Variants in INPP4B observed in about 807,000 individuals in gnomAD.
The protein encoded by INPP4B is inositol polyphosphate 4-phosphatase type II.
In INPP4B, 55 loss-of-function variants were observed where a neutral mutation model predicts 122.5. That is an observed-to-expected ratio of 0.45 (90% CI 0.36 to 0.56). The LOEUF is 0.56. INPP4B is among the 20% of genes least tolerant of loss of function. INPP4B has a pLI of 0.00. For synonymous variants in INPP4B, 403 were observed against 388.7 expected (o/e 1.04, Z -0.43); for missense variants, 1,000 against 1,097.7 (o/e 0.91, Z 1.26).
intron 7 of INPP4B, among the ~76,000 whole-genome samples, chr4:142,316,430 T>C (rs1767698482): frequency 1.3e-5 from 2 of 152,232 alleles, no homozygotes. Context: ...GCATGGATTA[T>C]ACATAGTATG....
chr4:142,431,463 T>A, intron 3 of INPP4B, 78 bp from the exon 4 acceptor site: 1 of 555,544 alleles, frequency 1.8e-6, no homozygotes, highest in Non-Finnish European at 3.2e-6. Flanking sequence ...AAGTAGAGAC[T>A]GCAACTACAT....
chr4:142,529,078 T>G (rs1023559164), intron 2 of INPP4B, among the ~76,000 whole-genome samples: 1 of 152,138 alleles, frequency 6.6e-6, no homozygotes, highest in African/African-American at 2.4e-5. Context: ...AAATGAAATG[T>G]GTTGGCATTT....
At chr4:142,242,665 A>AC (rs113387967) in intron 11 of INPP4B, among the ~76,000 whole-genome samples, 3 of 151,750 alleles carry the variant, frequency 2.0e-5, no homozygotes, top group African/African-American at 7.2e-5. Flanking sequence ...AATCACAGGA[A>AC]CCCCCCACTT....
At chr4:142,160,972 C>T (rs747001632) in intron 16 of INPP4B, among the ~76,000 whole-genome samples, 8 of 151,866 alleles carry the variant, frequency 5.3e-5, no homozygotes, top group African/African-American at 1.2e-4. Context: ...TTATTAAAAC[C>T]GCAATTACTT....
At chr4:142,195,078 A>G (rs3113521) in intron 14 of INPP4B, among the ~76,000 whole-genome samples, 105,747 of 152,150 alleles carry the variant, frequency 0.7, 39,446 homozygotes, top group Non-Finnish European at 0.83. Flanking sequence ...CAGCAATACC[A>G]ACAATATACA....
Position 142,796,822 on chromosome 4 carries a change from G to A in INPP4B, c.-254+49387C>T, listed in dbSNP as rs10033676. On this transcript the variant is annotated intron_variant, in intron 1 of 25. Coordinates refer to ENST00000262992, the MANE Select transcript of INPP4B (RefSeq NM_001101669.3). The stretch of plus-strand genomic sequence containing the variant: ...TACAAGACCTATCCACATCCAGAGA[G>A]TTTCCAAAAGGCTCCTCTATTCACA... 9.2e-3 allele frequency among the ~76,000 whole-genome samples: 1,396 copies of A among 151,470 alleles called. 26 individuals are homozygous for A. Among genetic ancestry groups the A allele is most frequent in the African/African-American group, 0.033 (1,342 of 41,220 alleles).
At chr4:142,710,148 T>C (rs2150791413) in intron 2 of INPP4B, among the ~76,000 whole-genome samples, 1 of 152,324 alleles carries the variant, frequency 6.6e-6, no homozygotes, top group Admixed American at 6.5e-5. Context: ...AGAGGCAGAA[T>C]AAAATCAAAG....
intron 7 of INPP4B, among the ~76,000 whole-genome samples, chr4:142,340,415 TAAAA>T (rs1579788250): frequency 6.6e-6 from 1 of 152,088 alleles, no homozygotes; most frequent in East Asian, 1.9e-4. Flanking sequence ...TTTTTCTCTT[TAAAA>T]TTTTTAGAGA....
At chr4:142,336,660 C>G (rs1776717419) in intron 7 of INPP4B, among the ~76,000 whole-genome samples, 1 of 152,244 alleles carries the variant, frequency 6.6e-6, no homozygotes, top group Non-Finnish European at 1.5e-5. Context: ...CCCTCCTCGT[C>G]CAGATGCTGG....
chr4:142,096,677 CA>C (rs1259763658), intron 23 of INPP4B, among the ~76,000 whole-genome samples: 3 of 151,920 alleles, frequency 2.0e-5, no homozygotes, highest in African/African-American at 4.8e-5. Context: ...TTAAAAACTT[CA>C]AAAGATTAGT....
chr4:142,183,787 A>C (rs1561409422), intron 15 of INPP4B, among the ~76,000 whole-genome samples: 1 of 152,236 alleles, frequency 6.6e-6, no homozygotes, highest in Admixed American at 6.5e-5. Flanking sequence ...ACAGAAAATA[A>C]ATCCTCAAAT....
At chr4:142,326,200 G>A (rs1037251757) in intron 7 of INPP4B, among the ~76,000 whole-genome samples, 10 of 152,146 alleles carry the variant, frequency 6.6e-5, no homozygotes, top group African/African-American at 1.4e-4. Flanking sequence ...TATGTGTTAC[G>A]AGCCAAGTCC....
intron 11 of INPP4B, among the ~76,000 whole-genome samples, chr4:142,245,381 T>A (rs1457287158): frequency 1.3e-5 from 2 of 152,234 alleles, no homozygotes; most frequent in Non-Finnish European, 2.9e-5. Flanking sequence ...CATCTTGAGT[T>A]AACTTTTTGA....
At chr4:142,439,626 T>C (rs2149430659) in intron 3 of INPP4B, among the ~76,000 whole-genome samples, 1 of 152,258 alleles carries the variant, frequency 6.6e-6, no homozygotes, top group Middle Eastern at 3.4e-3. Flanking sequence ...AGTCAAGAGT[T>C]TAATCAATTT....
At chr4:142,494,641 A>G (rs1283077368) in intron 2 of INPP4B, among the ~76,000 whole-genome samples, 1 of 152,134 alleles carries the variant, frequency 6.6e-6, no homozygotes, top group African/African-American at 2.4e-5. Context: ...AACTTTAAAG[A>G]TATGGTTCTA....
intron 1 of INPP4B, among the ~76,000 whole-genome samples, chr4:142,778,341 T>G (rs1774255622): frequency 6.6e-6 from 1 of 152,152 alleles, no homozygotes; most frequent in Admixed American, 6.6e-5. Context: ...TATAGGAATT[T>G]TAATCATCCA....
chr4:142,209,401 A>C (rs1408957498), intron 12 of INPP4B, among the ~76,000 whole-genome samples: 2 of 152,218 alleles, frequency 1.3e-5, no homozygotes, highest in Non-Finnish European at 2.9e-5. Context: ...ACAAAATCAA[A>C]GAATGTGGAA....
rs146673808 is a variant in INPP4B, at chr4:142,103,689, G to A, written c.2374+4404C>T. Among the ~76,000 whole-genome samples the A allele has an allele frequency of 2.0e-4, 30 of 152,104 alleles. No homozygotes were observed. The East Asian group carries it at 4.6e-3, about 24-fold the overall frequency. ...ATTGAAAGATACTACGGCATAGACC[G>A]TATCTTACTCATCTTTCATCATCCA... On this transcript the variant is annotated intron_variant, in intron 23 of 25. Coordinates refer to ENST00000262992, the MANE Select transcript of INPP4B (RefSeq NM_001101669.3).
At chr4:142,072,338 G>T (rs1767949943) in intron 25 of INPP4B, among the ~76,000 whole-genome samples, 1 of 152,014 alleles carries the variant, frequency 6.6e-6, no homozygotes, top group South Asian at 2.1e-4. Context: ...GCCTGTCATG[G>T]GGTGAGGGGA....
Sources: gnomAD v4.1 joint callset for allele counts (sites outside exome capture counted in the v4.1 genomes callset) on GRCh38, gnomAD v4.1.1 for gene constraint, MANE v1.5 for transcripts, NCBI Gene and HGNC (gene_info 2026-07-23, HGNC 2026-07-21) for gene names.